COL23A1: variants seen among roughly 807,000 people sequenced by gnomAD.
The protein encoded by COL23A1 is collagen type XXIII alpha 1 chain.
In COL23A1, 97 loss-of-function variants were observed where a neutral mutation model predicts 99.3. That is an observed-to-expected ratio of 0.98 (90% CI 0.83 to 1.16). COL23A1 has a LOEUF of 1.16. COL23A1 is among the 50% of genes most tolerant of loss of function. The pLI is 0.00. For synonymous variants in COL23A1, 320 were observed against 308.2 expected, an observed-to-expected ratio of 1.04 and a Z score of -0.40; for missense variants, 762 against 757.4, an observed-to-expected ratio of 1.01 and a Z score of -0.07.
chr5:178,475,265 C>T (rs1442941881), intron 2 of COL23A1, among the ~76,000 whole-genome samples: 2 of 152,100 alleles, frequency 1.3e-5, no homozygotes, highest in African/African-American at 2.4e-5. Context: ...AAATTTAACA[C>T]ATAACATGTG....
intron 1 of COL23A1, among the ~76,000 whole-genome samples, chr5:178,567,961 A>G (rs1278614986): frequency 6.6e-6 from 1 of 152,220 alleles, no homozygotes; most frequent in Non-Finnish European, 1.5e-5. Flanking sequence ...CTAGACTTAA[A>G]CAATAACTTT....
rs529675589 is a variant in COL23A1, at chr5:178,336,653, C to T, written c.362-29734G>A. Among the ~76,000 whole-genome samples the T allele has an allele frequency of 1.4e-4, 22 of 152,246 alleles. 2 individuals carry two copies. In the East Asian group the frequency reaches 3.5e-3, roughly 24 times the overall value. ...ATGCTTTGGAACGAGATACAAGTGA[C>T]GGTGGTGTGACACTGGGAATGTACT... On this transcript the variant is annotated intron_variant, in intron 2 of 28. Coordinates refer to ENST00000390654, the MANE Select transcript of COL23A1 (RefSeq NM_173465.4).
chr5:178,322,927 T>C (rs1759427991), intron 2 of COL23A1, among the ~76,000 whole-genome samples: 1 of 152,192 alleles, frequency 6.6e-6, no homozygotes, highest in African/African-American at 2.4e-5. Flanking sequence ...CTCGAGGACA[T>C]GCTGTCCCTG....
intron 2 of COL23A1, among the ~76,000 whole-genome samples, chr5:178,347,372 CAG>C (rs772252598): frequency 2.6e-4 from 40 of 151,456 alleles, no homozygotes; most frequent in Non-Finnish European, 4.9e-4. Context: ...CAGGCGAATC[CAG>C]AGAGACTGAA....
chr5:178,377,357 G>C (rs186019613), intron 2 of COL23A1, among the ~76,000 whole-genome samples: 16 of 148,480 alleles, frequency 1.1e-4, no homozygotes, highest in Non-Finnish European at 1.6e-4. Flanking sequence ...TGAACTGCCT[G>C]GTGTTTTAAG....
chr5:178,369,336 T>G (rs1012019069), intron 2 of COL23A1, among the ~76,000 whole-genome samples: 4 of 152,252 alleles, frequency 2.6e-5, no homozygotes, highest in African/African-American at 9.6e-5. Flanking sequence ...CCCAGGAAAC[T>G]TCACACCTCG....
At chr5:178,254,581 C>T (rs1242942346) in intron 16 of COL23A1, among the ~76,000 whole-genome samples, 1 of 152,196 alleles carries the variant, frequency 6.6e-6, no homozygotes, top group Non-Finnish European at 1.5e-5. Context: ...CCACTCTCAT[C>T]CTCCCCATGG....
At position 178,242,356 on chromosome 5, in the gene COL23A1, G is replaced by A. The variant is rs774011821; in HGVS notation, c.1479C>T (p.Ser493=). The change falls in exon 26 of 29, where the codon AGC becomes AGT. Residue 493 remains serine (S), a synonymous_variant. Coordinates refer to ENST00000390654, the MANE Select transcript of COL23A1 (RefSeq NM_173465.4). ...CTGCCCTCACCTTCTCTCCACGCTC[G>A]CTCCGATCACCTTTCTCTCCTCGGG... ...PGPRGEKGDR[S]ERGEKGERGV... is the part of the protein sequence containing the mutation. 17 of 1,613,756 alleles carry A rather than the reference G, an allele frequency of 1.1e-5. No homozygotes were observed. The highest frequency in any genetic ancestry group is 8.0e-5 in the African/African-American group (6 of 74,854).
In COL23A1 at chr5:178,306,943, T is replaced by G; in HGVS notation, c.362-24A>C. ...CCCTAGACAGGAAAACAAGAATGCA[T>G]TCATTGAGAAGGGAAGCCAGTGGAC... is the stretch of plus-strand genomic sequence containing the variant. On this transcript the variant is annotated intron_variant, in intron 2 of 28. Coordinates refer to ENST00000390654, the MANE Select transcript of COL23A1 (RefSeq NM_173465.4). The surrounding 1 kb of genome is among the most constrained non-coding windows in gnomAD (Gnocchi z 4.1). The G allele has an allele frequency of 6.7e-7, 1 of 1,491,044 alleles. No homozygotes were observed. Among genetic ancestry groups the G allele is most frequent in the Non-Finnish European group, 8.9e-7 (1 of 1,119,194 alleles). 92.4% of individuals were successfully genotyped at this position (1,491,044 alleles called of 1,614,324 possible).
chr5:178,371,023 T>A (rs536243387), intron 2 of COL23A1, among the ~76,000 whole-genome samples: 62 of 152,322 alleles, frequency 4.1e-4, no homozygotes, highest in Admixed American at 9.8e-4. Context: ...TAAGAATAGA[T>A]CTTAAGTGTT....
At chr5:178,239,536 T>C (rs1764282287) in intron 27 of COL23A1, among the ~76,000 whole-genome samples, 1 of 150,504 alleles carries the variant, frequency 6.6e-6, no homozygotes, top group South Asian at 2.1e-4. Flanking sequence ...TCCTGTCTGA[T>C]GTGACAGTGA....
chr5:178,330,420 C>T (rs1170799040), intron 2 of COL23A1, among the ~76,000 whole-genome samples: 1 of 152,158 alleles, frequency 6.6e-6, no homozygotes, highest in Non-Finnish European at 1.5e-5. Context: ...AGTTCACAGG[C>T]CGAGGCGGGA....
At chr5:178,315,153 G>A (rs747533904) in intron 2 of COL23A1, among the ~76,000 whole-genome samples, 6 of 152,128 alleles carry the variant, frequency 3.9e-5, no homozygotes, top group African/African-American at 1.2e-4. Flanking sequence ...AGTTAGGAGC[G>A]GATTTAGTTA....
At position 178,259,858 on chromosome 5, in the gene COL23A1, G is replaced by A. The variant is rs1004727401; in HGVS notation, c.703-111C>T. 1.1e-5 allele frequency: 11 copies of A among 1,004,784 alleles called. No homozygotes were observed. In the African/African-American group the frequency reaches 1.6e-4, roughly 15 times the overall value. 62.2% of individuals were successfully genotyped at this position (1,004,784 alleles called of 1,614,324 possible). Reference sequence around the variant, plus strand: ...AAGTGGCACTGATGACCCGTGCCCAGGGCCAGCCCAGAGACCCCTGAATGC... The same window carrying A: ...AAGTGGCACTGATGACCCGTGCCCAAGGCCAGCCCAGAGACCCCTGAATGC... On this transcript the variant is annotated intron_variant, in intron 11 of 28. Coordinates refer to ENST00000390654, the MANE Select transcript of COL23A1 (RefSeq NM_173465.4).
At chr5:178,575,511 T>C (rs1373802839) in intron 1 of COL23A1, among the ~76,000 whole-genome samples, 1 of 152,210 alleles carries the variant, frequency 6.6e-6, no homozygotes, top group African/African-American at 2.4e-5. Context: ...TAGGAGCTCC[T>C]GCAGAAGATC....
At chr5:178,528,109 G>A (rs889222090) in intron 2 of COL23A1, among the ~76,000 whole-genome samples, 4 of 152,066 alleles carry the variant, frequency 2.6e-5, no homozygotes, top group African/African-American at 9.7e-5. Context: ...CTGGGCACTG[G>A]GACTGCCCCA....
At chr5:178,497,073 G>A (rs529911489) in intron 2 of COL23A1, among the ~76,000 whole-genome samples, 15 of 152,194 alleles carry the variant, frequency 9.9e-5, no homozygotes, top group African/African-American at 2.4e-4. Flanking sequence ...AGAACTCTAC[G>A]TCTGGTATAA....
chr5:178,508,933 G>C (rs555101863), intron 2 of COL23A1, among the ~76,000 whole-genome samples: 1 of 152,134 alleles, frequency 6.6e-6, no homozygotes, highest in Non-Finnish European at 1.5e-5. Flanking sequence ...GTTGCACTTA[G>C]GAGGAACAGA....
intron 2 of COL23A1, among the ~76,000 whole-genome samples, chr5:178,536,703 C>T (rs1014096528): frequency 2.6e-5 from 4 of 152,142 alleles, no homozygotes; most frequent in African/African-American, 4.8e-5. Flanking sequence ...CATCCCTATG[C>T]GGCTCGGTCC....
Sources: allele counts gnomAD v4.1 joint callset (sites outside exome capture counted in the v4.1 genomes callset), GRCh38; gene constraint gnomAD v4.1.1; non-coding constraint Gnocchi (gnomAD v3.1); transcripts MANE v1.5; gene names NCBI Gene and HGNC (gene_info 2026-07-23, HGNC 2026-07-21).